The following AUTS2 variants were observed in gnomAD, a reference collection of about 807,000 sequenced individuals.
AUTS2 encodes activator of transcription and developmental regulator AUTS2.
In AUTS2, 17 loss-of-function variants were observed where a neutral mutation model predicts 112.4. The observed-to-expected ratio is 0.15, with a 90% CI of 0.10 to 0.23. AUTS2 has a LOEUF of 0.23. Ranked by LOEUF, AUTS2 falls within the 10% of genes least tolerant of loss-of-function variation. The pLI, the probability that AUTS2 is intolerant of heterozygous loss-of-function variation, is 1.00. For synonymous variants in AUTS2, 751 were observed against 702.7 expected (o/e 1.07, Z -1.09); for missense variants, 1,510 against 1,701.6 (o/e 0.89, Z 1.98).
At chr7:70,343,239 A>G (rs1024788346) in intron 4 of AUTS2, among the ~76,000 whole-genome samples, 2 of 152,216 alleles carry the variant, frequency 1.3e-5, no homozygotes, top group African/African-American at 4.8e-5. Context: ...TGAAAGGGTA[A>G]AGTTAACAAC....
At chr7:70,333,229 G>A (rs1367946861) in intron 4 of AUTS2, among the ~76,000 whole-genome samples, 1 of 152,178 alleles carries the variant, frequency 6.6e-6, no homozygotes, top group South Asian at 2.1e-4. Flanking sequence ...CTGGTCATTA[G>A]AGAAATGCAA....
chr7:69,773,458 CAAAAAAAAA>C (rs746707793), intron 1 of AUTS2, among the ~76,000 whole-genome samples: 1 of 56,402 alleles, frequency 1.8e-5, no homozygotes, highest in Non-Finnish European at 3.7e-5. Context: ...AGGCACAGAC[CAAAAAAAAA>C]AAAAAAAAAG....
At chr7:70,343,945 G>C (rs950111347) in intron 4 of AUTS2, among the ~76,000 whole-genome samples, 2 of 152,084 alleles carry the variant, frequency 1.3e-5, no homozygotes, top group Admixed American at 1.3e-4. Flanking sequence ...ATAGTGGTGT[G>C]AGTGTTGCAG....
intron 4 of AUTS2, among the ~76,000 whole-genome samples, chr7:70,405,878 A>G (rs1197151541): frequency 1.3e-5 from 2 of 152,178 alleles, no homozygotes; most frequent in Non-Finnish European, 2.9e-5. Context: ...GGATGCTTTT[A>G]TGAGGTTGCT....
chr7:69,809,800 A>G (rs1420259460), intron 1 of AUTS2, among the ~76,000 whole-genome samples: 1 of 152,150 alleles, frequency 6.6e-6, no homozygotes, highest in Non-Finnish European at 1.5e-5. Context: ...CAATACCACA[A>G]TTAACAAATA....
intron 3 of AUTS2, among the ~76,000 whole-genome samples, chr7:70,128,534 G>A (rs1164904209): frequency 1.3e-5 from 2 of 152,172 alleles, no homozygotes; most frequent in Non-Finnish European, 2.9e-5. Context: ...AGGTCTATGG[G>A]AAGAACATTC....
At chr7:70,542,038 T>G (rs1800573170) in intron 5 of AUTS2, among the ~76,000 whole-genome samples, 1 of 152,194 alleles carries the variant, frequency 6.6e-6, no homozygotes, top group Admixed American at 6.5e-5. Context: ...CATCAAACAT[T>G]TATGAACTCA....
chr7:70,607,301 C>T (rs961042638), intron 5 of AUTS2, among the ~76,000 whole-genome samples: 1 of 152,152 alleles, frequency 6.6e-6, no homozygotes, highest in East Asian at 1.9e-4. Context: ...ATAAGTATGC[C>T]TCTCTGTGTT....
intron 2 of AUTS2, among the ~76,000 whole-genome samples, chr7:70,076,414 CA>C (rs761372178): frequency 1.2e-4 from 18 of 152,094 alleles, no homozygotes; most frequent in Non-Finnish European, 2.2e-4. Context: ...AGATGTTGAA[CA>C]AAAAGACGTT....
intron 4 of AUTS2, among the ~76,000 whole-genome samples, chr7:70,413,034 C>T (rs1303153270): frequency 6.6e-6 from 1 of 152,170 alleles, no homozygotes; most frequent in Admixed American, 6.5e-5. Flanking sequence ...TATGTCCCAG[C>T]CACCCCATGC....
At chr7:69,625,573 T>C (rs776330825) in intron 1 of AUTS2, among the ~76,000 whole-genome samples, 5 of 152,104 alleles carry the variant, frequency 3.3e-5, no homozygotes, top group Admixed American at 6.6e-5. Flanking sequence ...GAAAGTGTTA[T>C]TTGGGCTGCG....
intron 4 of AUTS2, among the ~76,000 whole-genome samples, chr7:70,243,231 TTGTGTG>T (rs3078161): frequency 0.12 from 15,590 of 131,652 alleles, 858 homozygotes; most frequent in Admixed American, 0.17. Flanking sequence ...GAATGTATCC[TTGTGTG>T]TGTGTGTGTG....
intron 1 of AUTS2, among the ~76,000 whole-genome samples, chr7:69,872,763 C>T (rs2903097): frequency 0.25 from 36,789 of 147,246 alleles, 4,457 homozygotes; most frequent in Middle Eastern, 0.35. Context: ...AGGGAACCTT[C>T]TTTGCCCTCT....
chr7:70,289,377 T>G (rs953896985), intron 4 of AUTS2, among the ~76,000 whole-genome samples: 3 of 152,212 alleles, frequency 2.0e-5, no homozygotes, highest in Admixed American at 6.5e-5. Context: ...TGCTCCCTTC[T>G]CTTTCATTCG....
At chr7:70,762,834 T>C in intron 6 of AUTS2, 36 bp from the exon 7 acceptor site, 1 of 1,453,834 alleles carries the variant, frequency 6.9e-7, no homozygotes, top group Non-Finnish European at 9.7e-7. Flanking sequence ...TCGCATGTCA[T>C]TGCCTGTGGT....
At chr7:69,984,353 G>T (rs1798418828) in intron 2 of AUTS2, among the ~76,000 whole-genome samples, 1 of 142,864 alleles carries the variant, frequency 7.0e-6, no homozygotes, top group Admixed American at 7.3e-5. Context: ...CTTGCAGTGA[G>T]CCAAGATCAC....
chr7:70,189,579 C>T (rs1400115739), intron 4 of AUTS2, among the ~76,000 whole-genome samples: 1 of 152,144 alleles, frequency 6.6e-6, no homozygotes, highest in African/African-American at 2.4e-5. Context: ...CAGTGTAGCC[C>T]TGTGAAAGAT....
intron 1 of AUTS2, among the ~76,000 whole-genome samples, chr7:69,653,452 T>C (rs1385451680): frequency 6.6e-6 from 1 of 152,208 alleles, no homozygotes; most frequent in African/African-American, 2.4e-5. Flanking sequence ...GTGTACAGTG[T>C]TCTCTTCCTG....
intron 4 of AUTS2, among the ~76,000 whole-genome samples, chr7:70,256,301 G>GCTT (rs903064523): frequency 5.6e-4 from 86 of 152,240 alleles, no homozygotes; most frequent in African/African-American, 1.9e-3. Context: ...ATAAACTAGG[G>GCTT]CTTCTTCTTC....
Sources: gnomAD v4.1 joint callset for allele counts (sites outside exome capture counted in the v4.1 genomes callset) on GRCh38, gnomAD v4.1.1 for gene constraint, MANE v1.5 for transcripts, NCBI Gene and HGNC (gene_info 2026-07-23, HGNC 2026-07-21) for gene names.